The following HDAC2 variants were observed in gnomAD, a reference collection of about 807,000 sequenced individuals.
The protein encoded by HDAC2 is YY1-associated factor 1.
HDAC2 carries 5 observed loss-of-function variants against 68.5 expected under a neutral mutation model. That is an observed-to-expected ratio of 0.07 (90% confidence interval 0.04 to 0.15). The LOEUF is 0.15. Ranked by LOEUF, HDAC2 falls within the 10% of genes least tolerant of loss-of-function variation. The pLI is 1.00. For missense variants in HDAC2, 291 were observed against 600.8 expected, an observed-to-expected ratio of 0.48 and a Z score of 5.39; for synonymous variants, 182 against 191.3, an observed-to-expected ratio of 0.95 and a Z score of 0.40.
intron 6 of HDAC2, among the ~76,000 whole-genome samples, chr6:113,952,114 G>A (rs1158018549): frequency 6.6e-6 from 1 of 152,178 alleles, no homozygotes; most frequent in Non-Finnish European, 1.5e-5. Context: ...ATCACCCAGA[G>A]TTTCTGGGCC....
chr6:113,957,043 T>C (rs376718818), intron 3 of HDAC2: 5 of 173,532 alleles, frequency 2.9e-5, no homozygotes, highest in Admixed American at 1.8e-4. Flanking sequence ...GTTAACATTC[T>C]AAAAGCAACT....
rs900994320 is a variant in HDAC2, at chr6:113,941,757, C to T, written c.1387G>A (p.Glu463Lys). The T allele has an allele frequency of 2.2e-6, 3 of 1,371,992 alleles. No homozygotes were observed. Among genetic ancestry groups the T allele is most frequent in the Non-Finnish European group, 3.0e-6 (3 of 998,776 alleles). 85.0% of individuals were successfully genotyped at this position (1,371,992 alleles called of 1,614,324 possible). The change falls in exon 13 of 14, where the codon GAA (glutamate) becomes AAA (lysine). Residue 463 changes from glutamate (E) to lysine (K), a missense_variant. Glu to Lys is a moderately conservative substitution (Grantham distance 56). Coordinates refer to ENST00000519065, the MANE Select transcript of HDAC2 (RefSeq NM_001527.4). Reference sequence around the variant, plus strand: ...CTGTTGTCCTTGGATTTATCTTCTTCCTTAACGTCTAAAAATAAAGATTGG... The same window carrying T: ...CTGTTGTCCTTGGATTTATCTTCTTTCTTAACGTCTAAAAATAAAGATTGG... ...ETEDKKTDVK[E>K]EDKSKDNSGE...
At chr6:113,970,711 G>A (rs1195069353) in intron 1 of HDAC2, 146 bp downstream of exon 1, 1 of 1,394,912 alleles carries the variant, frequency 7.2e-7, no homozygotes, top group Non-Finnish European at 9.2e-7. Context: ...TTCTAACTGT[G>A]CCGGGCCGGG....
In HDAC2 at chr6:113,940,634, A is replaced by G. The variant is rs1776107910; in HGVS notation, c.*424T>C. 1 of 159,878 alleles carries G rather than the reference A, an allele frequency of 6.3e-6. No individual in the cohort carries two copies. Among genetic ancestry groups the G allele is most frequent in the Admixed American group, 6.2e-5 (1 of 16,172 alleles). 9.9% of individuals were successfully genotyped at this position (159,878 alleles called of 1,614,324 possible). The stretch of plus-strand genomic sequence containing the variant: ...GCTGTAATCATTATCTTTCACCTAG[A>G]GTGTATTGTAAGTCTACAGAAATGA... On this transcript the variant is annotated 3_prime_UTR_variant, in exon 14 of 14. Transcript: ENST00000519065.
At chr6:113,954,743 G>C (rs1776506402) in intron 5 of HDAC2, among the ~76,000 whole-genome samples, 1 of 152,172 alleles carries the variant, frequency 6.6e-6, no homozygotes, top group South Asian at 2.1e-4. Flanking sequence ...TGACTGAAAA[G>C]TCAGCCTCTA....
rs1776013126 is a variant in HDAC2, at chr6:113,936,920, A to C, written c.*4138T>G. 1.3e-5 allele frequency: 2 copies of C among 152,144 alleles called. No homozygotes were observed. The highest frequency in any genetic ancestry group is 1.3e-4 in the Admixed American group (2 of 15,278). 9.4% of individuals were successfully genotyped at this position (152,144 alleles called of 1,614,324 possible). The stretch of plus-strand genomic sequence containing the variant: ...AGCATGAGAATCACCTGAACCTAGG[A>C]AGCAGAGGATGCAGTGAGCCAAGAT... On this transcript the variant is annotated 3_prime_UTR_variant, in exon 14 of 14. Transcript: ENST00000519065.
At chr6:113,962,518 A>G (rs942354864) in intron 1 of HDAC2, 1 of 161,632 alleles carries the variant, frequency 6.2e-6, no homozygotes, top group Non-Finnish European at 1.3e-5. Context: ...CTTTTTACTA[A>G]TAGGGTCCTC....
chr6:113,951,292 G>A (rs1333021210), intron 6 of HDAC2, among the ~76,000 whole-genome samples: 1 of 152,082 alleles, frequency 6.6e-6, no homozygotes, highest in Non-Finnish European at 1.5e-5. Context: ...GAATGAATTA[G>A]CAGGCAGAAA....
chr6:113,963,278 A>AT (rs1562149353), intron 1 of HDAC2, among the ~76,000 whole-genome samples: 1 of 151,736 alleles, frequency 6.6e-6, no homozygotes. Flanking sequence ...GTGACGGGGT[A>AT]TCTCCATATT....
chr6:113,953,237 T>C (rs1165232304), intron 6 of HDAC2, 40 bp downstream of exon 6: 1 of 1,503,710 alleles, frequency 6.7e-7, no homozygotes, highest in Non-Finnish European at 9.2e-7. Flanking sequence ...ATCTCCTAGG[T>C]TCATCTCACA....
rs1775996093 is a variant in HDAC2, at chr6:113,936,305, G to C, written c.*4753C>G. 6.6e-6 allele frequency: 1 copy of C among 152,066 alleles called. No individual in the cohort carries two copies. Among genetic ancestry groups the C allele is most frequent in the Admixed American group, 6.6e-5 (1 of 15,254 alleles). 9.4% of individuals were successfully genotyped at this position (152,066 alleles called of 1,614,324 possible). A position where few individuals can be genotyped will look rare whatever the true frequency, so the allele number is the denominator to read the frequency against. On this transcript the variant is annotated 3_prime_UTR_variant, in exon 14 of 14. Coordinates refer to ENST00000519065, the MANE Select transcript of HDAC2 (RefSeq NM_001527.4). Reference sequence around the variant, plus strand: ...TTAAATGCAGTATCTGCCATCTTGTGGTACAGTGAGGAAATGCAGCAATTG... The same window carrying C: ...TTAAATGCAGTATCTGCCATCTTGTCGTACAGTGAGGAAATGCAGCAATTG...
intron 11 of HDAC2, among the ~76,000 whole-genome samples, chr6:113,943,869 A>T (rs139847822): frequency 1.3e-5 from 2 of 152,224 alleles, no homozygotes; most frequent in African/African-American, 4.8e-5. Context: ...CCAAAAAAAA[A>T]GTACCAATAC....
rs1776044283 is a variant in HDAC2, at chr6:113,938,001, G to C, written c.*3057C>G. ...TCTCTACTAAAAATGCGAACAATTA[G>C]CTGGGCGTGGTGACAGGCGCCTGTA... On this transcript the variant is annotated 3_prime_UTR_variant, in exon 14 of 14. Transcript: ENST00000519065. The C allele has an allele frequency of 2.0e-5, 3 of 152,186 alleles. No homozygotes were observed. The highest frequency in any genetic ancestry group is 2.0e-4 in the Admixed American group (3 of 15,282). 9.4% of individuals were successfully genotyped at this position (152,186 alleles called of 1,614,324 possible).
chr6:113,967,400 A>C (rs1776850114), intron 1 of HDAC2, among the ~76,000 whole-genome samples: 1 of 152,208 alleles, frequency 6.6e-6, no homozygotes, highest in Admixed American at 6.5e-5. Flanking sequence ...AAGTGCTGAG[A>C]TTATAGGCAT....
chr6:113,951,657 C>T (rs866574788), intron 6 of HDAC2, among the ~76,000 whole-genome samples: 12 of 151,840 alleles, frequency 7.9e-5, no homozygotes, highest in African/African-American at 2.7e-4. Context: ...TTAGTGGAGA[C>T]GGGGTGTCAC....
intron 1 of HDAC2, among the ~76,000 whole-genome samples, chr6:113,963,038 T>C (rs1156529615): frequency 6.6e-6 from 1 of 151,546 alleles, no homozygotes; most frequent in African/African-American, 2.4e-5. Flanking sequence ...TTTTTCCCAC[T>C]AATTCTGTAT....
intron 1 of HDAC2, among the ~76,000 whole-genome samples, chr6:113,964,361 C>T (rs888315084): frequency 6.6e-6 from 1 of 152,118 alleles, no homozygotes; most frequent in Non-Finnish European, 1.5e-5. Flanking sequence ...ATCTTTAATA[C>T]ATATTTCAAG....
intron 1 of HDAC2, among the ~76,000 whole-genome samples, chr6:113,966,076 A>C (rs1045847617): frequency 2.0e-5 from 3 of 152,232 alleles, no homozygotes; most frequent in African/African-American, 7.2e-5. Flanking sequence ...ACTCTCCTTG[A>C]ACATTAAAAC....
At chr6:113,970,352 G>A (rs763324984) in intron 1 of HDAC2, 3 of 577,188 alleles carry the variant, frequency 5.2e-6, no homozygotes, top group Non-Finnish European at 6.6e-6. Flanking sequence ...CGAGGAGGAG[G>A]GAAGGGGACG....
Sources: gnomAD v4.1 joint callset for allele counts (sites outside exome capture counted in the v4.1 genomes callset) on GRCh38, gnomAD v4.1.1 for gene constraint, MANE v1.5 for transcripts, NCBI Gene and HGNC (gene_info 2026-07-23, HGNC 2026-07-21) for gene names.